The following BRF1 variants were observed in gnomAD, a reference collection of about 807,000 sequenced individuals.
BRF1 encodes the protein transcription factor IIIB 90 kDa subunit.
In BRF1, 59 loss-of-function variants were observed where a neutral mutation model predicts 81.7. That is an observed-to-expected ratio of 0.72 (90% CI 0.59 to 0.90). BRF1 has a LOEUF of 0.90. Among genes scored for constraint, BRF1 ranks in the 40% least tolerant of loss-of-function variants. BRF1 has a pLI of 0.00. For missense variants in BRF1, 1,050 were observed against 936.3 expected (o/e 1.12, Z -1.58); for synonymous variants, 491 against 395.6 (o/e 1.24, Z -2.86).
intron 5 of BRF1, chr14:105,248,592 G>C: frequency 2.1e-6 from 2 of 958,248 alleles, no homozygotes; most frequent in Non-Finnish European, 2.5e-6. Flanking sequence ...CGGGCGGGAC[G>C]GCGCCCCCCG....
chr14:105,293,173 G>A (rs1046719610), intron 1 of BRF1, among the ~76,000 whole-genome samples: 2 of 152,188 alleles, frequency 1.3e-5, no homozygotes, highest in African/African-American at 2.4e-5. Context: ...CAGAACCCCA[G>A]GCCGCAGGGA....
chr14:105,278,527 A>G (rs776874564), intron 2 of BRF1, among the ~76,000 whole-genome samples: 54 of 152,176 alleles, frequency 3.5e-4, no homozygotes, highest in Non-Finnish European at 7.3e-4. Context: ...GAGTATCTTC[A>G]GACCTTGGAG....
intron 3 of BRF1, among the ~76,000 whole-genome samples, chr14:105,261,059 G>T (rs749440594): frequency 7.2e-5 from 11 of 152,222 alleles, no homozygotes; most frequent in Non-Finnish European, 1.6e-4. Context: ...CTGACCATCT[G>T]GGAATCAGAA....
intron 5 of BRF1, chr14:105,248,759 G>A (rs986306691): frequency 1.5e-5 from 15 of 981,412 alleles, no homozygotes; most frequent in Non-Finnish European, 1.7e-5. Flanking sequence ...CTCAGTGCCT[G>A]ACCTCCTTGC....
intron 3 of BRF1, among the ~76,000 whole-genome samples, chr14:105,266,589 G>A (rs1595426613): frequency 6.6e-6 from 1 of 152,098 alleles, no homozygotes; most frequent in Admixed American, 6.5e-5. Flanking sequence ...AGCTGATAAA[G>A]AGTCCTATAC....
intron 1 of BRF1, among the ~76,000 whole-genome samples, chr14:105,310,268 C>A (rs140259121): frequency 6.6e-6 from 1 of 150,864 alleles, no homozygotes; most frequent in East Asian, 2.0e-4. Context: ...CAGTGGCTCA[C>A]GCCTGTAATC....
At chr14:105,278,253 G>C (rs1428588717) in intron 2 of BRF1, among the ~76,000 whole-genome samples, 1 of 151,992 alleles carries the variant, frequency 6.6e-6, no homozygotes, top group African/African-American at 2.4e-5. Context: ...AGAAGTTCAA[G>C]ACCAGCCTGG....
In BRF1 at chr14:105,211,204, G is replaced by C. The variant is rs748290747; in HGVS notation, c.1914C>G (p.Ala638=). 6.2e-7 allele frequency: 1 copy of C among 1,611,846 alleles called. No individual in the cohort carries two copies. The highest frequency in any genetic ancestry group is 8.5e-7 in the Non-Finnish European group (1 of 1,179,860). The part of the protein sequence containing the change: ...LVESGPVSYH[A]DEEADEEEPD... The stretch of plus-strand genomic sequence containing the variant: ...GCTCCTCCTCGTCAGCCTCCTCGTC[G>C]GCGTGGTATGACACGGGCCCGCTCT... Residue 638 remains alanine (A), a synonymous_variant, in exon 17 of 18, where the codon GCC becomes GCG. Transcript: ENST00000547530.
At chr14:105,248,049 T>A in intron 5 of BRF1, 5 of 985,464 alleles carry the variant, frequency 5.1e-6, no homozygotes, top group Non-Finnish European at 6.0e-6. Flanking sequence ...ACCCGCCGGC[T>A]GTGTGACCTT....
At chr14:105,268,396 C>G (rs2056515151) in intron 3 of BRF1, among the ~76,000 whole-genome samples, 1 of 152,256 alleles carries the variant, frequency 6.6e-6, no homozygotes, top group African/African-American at 2.4e-5. Context: ...CCGGGCCTTG[C>G]CAGACTCAGT....
chr14:105,250,190 C>A, intron 5 of BRF1: 1 of 1,613,008 alleles, frequency 6.2e-7, no homozygotes. Context: ...CCTGGACTTT[C>A]CCCTGACCAA....
At chr14:105,211,457 C>T in intron 16 of BRF1, 164 bp from the exon 17 acceptor site, 1 of 621,206 alleles carries the variant, frequency 1.6e-6, no homozygotes, top group East Asian at 2.9e-5. Context: ...CCCTTCTGGC[C>T]TCCTGGGGGC....
At chr14:105,213,758 TG>T (rs1396594282) in intron 15 of BRF1, among the ~76,000 whole-genome samples, 1 of 152,158 alleles carries the variant, frequency 6.6e-6, no homozygotes, top group African/African-American at 2.4e-5. Context: ...GGCCTCACCC[TG>T]GGGGGCCAGA....
At chr14:105,249,278 TGCCCCGTCC>T (rs753452209) in intron 5 of BRF1, 1,965 of 1,564,942 alleles carry the variant, frequency 1.3e-3, no homozygotes, top group Non-Finnish European at 1.6e-3. Context: ...TCGGAACGCG[TGCCCCGTCC>T]GCCCCGTCCG....
At chr14:105,312,823 G>A (rs761661424) in intron 1 of BRF1, among the ~76,000 whole-genome samples, 7 of 152,222 alleles carry the variant, frequency 4.6e-5, no homozygotes, top group African/African-American at 1.2e-4. Flanking sequence ...GGTCGCAGGC[G>A]TGACACATGG....
intron 1 of BRF1, among the ~76,000 whole-genome samples, chr14:105,310,455 G>C (rs1389421740): frequency 1.3e-5 from 2 of 151,076 alleles, no homozygotes; most frequent in Non-Finnish European, 2.9e-5. Context: ...GCATGAACCC[G>C]GGAGGCAGAG....
chr14:105,273,658 G>C (rs140143891), intron 2 of BRF1, among the ~76,000 whole-genome samples: 3,836 of 152,302 alleles, frequency 0.025, 65 homozygotes, highest in Non-Finnish European at 0.039. Context: ...CAAGGTTTCA[G>C]GGATCTAGGG....
chr14:105,308,571 C>T (rs1399367390), intron 1 of BRF1, among the ~76,000 whole-genome samples: 1 of 151,474 alleles, frequency 6.6e-6, no homozygotes, highest in African/African-American at 2.4e-5. Flanking sequence ...CAACCTCCGC[C>T]TCCTGGGTTC....
At chr14:105,293,984 T>C (rs1222326254) in intron 1 of BRF1, among the ~76,000 whole-genome samples, 1 of 152,206 alleles carries the variant, frequency 6.6e-6, no homozygotes, top group Non-Finnish European at 1.5e-5. Context: ...AAGATGAAGC[T>C]GGAGGAAGGG....
Sources: allele counts gnomAD v4.1 joint callset (sites outside exome capture counted in the v4.1 genomes callset), GRCh38; gene constraint gnomAD v4.1.1; transcripts MANE v1.5; gene names NCBI Gene and HGNC (gene_info 2026-07-23, HGNC 2026-07-21).